Variants in IQCM observed in about 807,000 individuals in gnomAD.
The protein encoded by IQCM is IQ domain-containing protein M.
In IQCM, 45 loss-of-function variants were observed where a neutral mutation model predicts 57.6. That is an observed-to-expected ratio of 0.78 (90% CI 0.62 to 1.00). IQCM has a LOEUF of 1.00. Among genes scored for constraint, IQCM ranks in the 50% least tolerant of loss-of-function variants. IQCM has a pLI of 0.00. For missense variants in IQCM, 468 were observed against 511.6 expected (o/e 0.91, Z 0.82); for synonymous variants, 148 against 158.9 (o/e 0.93, Z 0.51).
intron 12 of IQCM, among the ~76,000 whole-genome samples, chr4:149,454,827 G>A (rs1214100266): frequency 6.6e-6 from 1 of 151,966 alleles, no homozygotes; most frequent in African/African-American, 2.4e-5. Flanking sequence ...GTTGATTAGT[G>A]GTTACCCAAG....
At chr4:149,784,837 C>T (rs558856815) in intron 2 of IQCM, among the ~76,000 whole-genome samples, 2 of 152,304 alleles carry the variant, frequency 1.3e-5, no homozygotes, top group South Asian at 2.1e-4. Context: ...TTGTATTTCT[C>T]TCTGTACCAG....
At chr4:149,449,904 C>T (rs10019350) in intron 12 of IQCM, among the ~76,000 whole-genome samples, 151,871 of 151,882 alleles carry the variant, frequency 1, 75,930 homozygotes, top group Middle Eastern at 1. Context: ...TAGCCAAAGC[C>T]ATCCTAAGCA....
At chr4:149,780,779 A>G (rs1771533519) in intron 2 of IQCM, among the ~76,000 whole-genome samples, 1 of 152,154 alleles carries the variant, frequency 6.6e-6, no homozygotes, top group African/African-American at 2.4e-5. Context: ...CATCACCACA[A>G]CCAGTAAATG....
At chr4:149,530,505 A>T (rs1746621261) in intron 12 of IQCM, among the ~76,000 whole-genome samples, 1 of 152,180 alleles carries the variant, frequency 6.6e-6, no homozygotes, top group Non-Finnish European at 1.5e-5. Context: ...ACATAGACTA[A>T]GTTACTGGAA....
intron 13 of IQCM, among the ~76,000 whole-genome samples, chr4:149,359,494 T>A (rs1340061863): frequency 6.6e-6 from 1 of 152,162 alleles, no homozygotes; most frequent in African/African-American, 2.4e-5. Flanking sequence ...TAGAAAGTAA[T>A]TTTTATTGTA....
At chr4:149,587,833 T>C (rs558313754) in intron 9 of IQCM, 97 bp downstream of exon 9, 15 of 494,026 alleles carry the variant, frequency 3.0e-5, no homozygotes, top group African/African-American at 3.0e-4. Context: ...CAACAACCTA[T>C]ACTTCCTTAA....
chr4:149,441,435 C>T (rs933554734), intron 12 of IQCM, among the ~76,000 whole-genome samples: 2 of 152,080 alleles, frequency 1.3e-5, no homozygotes, highest in East Asian at 3.9e-4. Context: ...GATCCCAAGC[C>T]ATTTTAAAAC....
intron 8 of IQCM, among the ~76,000 whole-genome samples, chr4:149,611,526 T>A (rs1346327481): frequency 1.3e-5 from 2 of 152,114 alleles, no homozygotes; most frequent in Admixed American, 1.3e-4. Flanking sequence ...ATCCTGTCAC[T>A]TGCAACAACA....
chr4:149,428,746 C>T (rs549457340), intron 13 of IQCM, among the ~76,000 whole-genome samples: 33 of 151,534 alleles, frequency 2.2e-4, no homozygotes, highest in Non-Finnish European at 3.7e-4. Flanking sequence ...AACTGAATTG[C>T]GTAAAAAATA....
intron 12 of IQCM, among the ~76,000 whole-genome samples, chr4:149,486,960 C>A (rs993099676): frequency 5.3e-5 from 8 of 152,014 alleles, no homozygotes; most frequent in Non-Finnish European, 8.8e-5. Flanking sequence ...AGGTACAAGA[C>A]AAAGTCCCTT....
intron 7 of IQCM, among the ~76,000 whole-genome samples, chr4:149,657,473 T>A (rs539750389): frequency 6.6e-6 from 1 of 152,132 alleles, no homozygotes; most frequent in Admixed American, 6.6e-5. Flanking sequence ...TGCAAAAACA[T>A]TGGAGTACAG....
At chr4:149,726,071 A>AAAAGAAAGAAAG (rs529190046) in intron 5 of IQCM, among the ~76,000 whole-genome samples, 1,826 of 94,730 alleles carry the variant, frequency 0.019, 51 homozygotes, top group East Asian at 0.038. Flanking sequence ...TCTTCCCTCT[A>AAAAGAAAGAAAG]AAAGAAAGAA....
chr4:149,481,710 T>TTTTGTTTTTTG (rs1296038886), intron 12 of IQCM, among the ~76,000 whole-genome samples: 22 of 138,450 alleles, frequency 1.6e-4, no homozygotes, highest in Non-Finnish European at 2.0e-4. Context: ...TGTTTTTTTT[T>TTTTGTTTTTTG]TTTTTTTTTT....
At chr4:149,701,920 T>A (rs1441807063) in intron 5 of IQCM, among the ~76,000 whole-genome samples, 2 of 152,050 alleles carry the variant, frequency 1.3e-5, no homozygotes, top group East Asian at 3.9e-4. Flanking sequence ...TAGATAAGAT[T>A]CTATAATTAG....
At chr4:149,427,346 C>T (rs974492321) in intron 13 of IQCM, among the ~76,000 whole-genome samples, 3 of 151,956 alleles carry the variant, frequency 2.0e-5, no homozygotes, top group African/African-American at 7.2e-5. Flanking sequence ...CCAAATTTCA[C>T]CTCACAAAGT....
chr4:149,622,095 AT>A (rs1262295431), intron 7 of IQCM, among the ~76,000 whole-genome samples: 1 of 152,186 alleles, frequency 6.6e-6, no homozygotes, highest in Non-Finnish European at 1.5e-5. Flanking sequence ...CATTGCTTCA[AT>A]TTATTTACAG....
At chr4:149,790,329 G>C in intron 2 of IQCM, 1 of 209,678 alleles carries the variant, frequency 4.8e-6, no homozygotes. Flanking sequence ...TTTGCGAGCT[G>C]CCTTCTTCCT....
chr4:149,555,778 A>G (rs1490309232), intron 10 of IQCM, among the ~76,000 whole-genome samples: 1 of 152,216 alleles, frequency 6.6e-6, no homozygotes, highest in African/African-American at 2.4e-5. Flanking sequence ...GGAATGTGCT[A>G]CTTGGACAGA....
In IQCM at chr4:149,389,893, C is replaced by G. The variant is rs531519582; in HGVS notation, c.1391-37827G>C. Among the ~76,000 whole-genome samples the G allele has an allele frequency of 1.9e-3, 285 of 152,028 alleles. 1 individual carries two copies. Among genetic ancestry groups the G allele is most frequent in the Middle Eastern group, 0.01 (3 of 294 alleles). On this transcript the variant is annotated intron_variant, in intron 13 of 13. Coordinates refer to ENST00000636793, the MANE Select transcript of IQCM (RefSeq NM_001363507.2). ...AAAAAAAAAGTTTTAAATCAAGAAT[C>G]CTCCAATTCAAATGGGTGTTTCAAC...
Sources: allele counts gnomAD v4.1 joint callset (sites outside exome capture counted in the v4.1 genomes callset), GRCh38; gene constraint gnomAD v4.1.1; transcripts MANE v1.5; gene names NCBI Gene and HGNC (gene_info 2026-07-23, HGNC 2026-07-21).